The following CAMTA2 variants were observed in gnomAD, a reference collection of about 807,000 sequenced individuals.
CAMTA2 encodes the protein calmodulin-binding transcription activator 2.
Under a neutral mutation model 135.7 loss-of-function variants are expected in CAMTA2, and 56 were observed. That is an observed-to-expected ratio of 0.41 (90% CI 0.33 to 0.52). CAMTA2 has a LOEUF of 0.52. Ranked by LOEUF, CAMTA2 falls within the 20% of genes least tolerant of loss-of-function variation. CAMTA2 has a pLI of 0.16. For synonymous variants in CAMTA2, 591 were observed against 604.6 expected (o/e 0.98, Z 0.33); for missense variants, 1,358 against 1,553.4 (o/e 0.87, Z 2.11).
At chr17:4,978,170 C>T (rs1401345162) in intron 10 of CAMTA2, among the ~76,000 whole-genome samples, 1 of 152,212 alleles carries the variant, frequency 6.6e-6, no homozygotes, top group Non-Finnish European at 1.5e-5. Context: ...TGGCTCTAAG[C>T]CAGAAAGCCT....
chr17:4,985,424 CTTTTTG>C (rs1197433332), intron 3 of CAMTA2, among the ~76,000 whole-genome samples: 1 of 152,032 alleles, frequency 6.6e-6, no homozygotes, highest in Non-Finnish European at 1.5e-5. Context: ...AGATCCATGT[CTTTTTG>C]TTTTTGTTTT....
rs1332112648 is a variant in CAMTA2, at chr17:4,968,325, G to A, written c.*431C>T. 1.1e-5 allele frequency: 3 copies of A among 269,372 alleles called. No homozygotes were observed. The East Asian group carries it at 2.6e-4, about 23-fold the overall frequency. The allele number at this position is 269,372 out of a possible 1,614,324, so 16.7% of individuals were successfully genotyped here. ...GAAACAGACGCAAACATGCGGAGTC[G>A]GGTGGGGACACGGTCAGCCCTGAAA... is the stretch of plus-strand genomic sequence containing the variant. On this transcript the variant is annotated 3_prime_UTR_variant, in exon 23 of 23. Coordinates refer to ENST00000348066, the MANE Select transcript of CAMTA2 (RefSeq NM_015099.4).
At position 4,969,136 on chromosome 17, in the gene CAMTA2, G is replaced by T; in HGVS notation, c.3470+14C>A. 6.2e-7 allele frequency: 1 copy of T among 1,602,138 alleles called. No individual in the cohort carries two copies. The highest frequency in any genetic ancestry group is 8.5e-7 in the Non-Finnish European group (1 of 1,175,800). The stretch of plus-strand genomic sequence containing the variant: ...TGCAGTGGGTGGGCACAGAGGGCTG[G>T]GGCTGGGCCCTACTTGTTGCGGGCA... On this transcript the variant is annotated intron_variant, in intron 21 of 22. Transcript: ENST00000348066. This position sits in a 1 kb window ranked among gnomAD's most constrained non-coding sequence, Gnocchi z 5.6.
rs200250600 is a variant in CAMTA2, at chr17:4,972,914, G to A, written c.2358C>T (p.Pro786=). ...ACAATGGCAGACGGCCCAGAGAGTC[G>A]GGAATGCTCAGTGCCTGTCGGTTCC... ...FRWNRQALSI[P]DSLGRLPLSV... is the part of the protein sequence containing the mutation. Residue 786 remains proline, a synonymous_variant, in exon 15 of 23, where the codon CCC becomes CCT. Transcript: ENST00000348066. The A allele has an allele frequency of 3.3e-5, 54 of 1,613,846 alleles. No homozygotes were observed. The highest frequency in any genetic ancestry group is 2.2e-4 in the East Asian group (10 of 44,880).
chr17:4,976,206 A>G (rs551634388), intron 11 of CAMTA2, among the ~76,000 whole-genome samples: 2 of 152,042 alleles, frequency 1.3e-5, no homozygotes, highest in South Asian at 2.1e-4. Context: ...GGGTTTCACC[A>G]TATTTGCCAG....
Position 4,980,431 on chromosome 17 carries a change from G to T in CAMTA2, c.891C>A (p.Ser297=), listed in dbSNP as rs1972886996. The T allele has an allele frequency of 6.2e-7, 1 of 1,613,784 alleles. No homozygotes were observed. Among genetic ancestry groups the T allele is most frequent in the Non-Finnish European group, 8.5e-7 (1 of 1,179,900 alleles). ...CTAGGGGCTCTGCAAAACCTGATGAGGAGGAAGAAGAGGAAGAAGATGGGG... is the reference window on the plus strand; with the variant it reads ...CTAGGGGCTCTGCAAAACCTGATGATGAGGAAGAAGAGGAAGAAGATGGGG... The part of the protein sequence containing the change: ...HTSPSSSSSS[S]SSGFAEPLEI... The change falls in exon 9 of 23, where the codon TCC becomes TCA. Residue 297 remains serine (S), a synonymous_variant. Transcript: ENST00000348066. The surrounding 1 kb of genome is among the most constrained non-coding windows in gnomAD (Gnocchi z 5.3).
intron 1 of CAMTA2, 115 bp downstream of exon 1, chr17:4,987,478 G>GA: frequency 7.1e-7 from 1 of 1,403,914 alleles, no homozygotes; most frequent in Non-Finnish European, 9.3e-7. Context: ...GGGAGGTGAG[G>GA]GCGAACCGGG....
chr17:4,975,077 C>G (rs1972533385), intron 11 of CAMTA2, among the ~76,000 whole-genome samples: 1 of 152,178 alleles, frequency 6.6e-6, no homozygotes, highest in Admixed American at 6.5e-5. Flanking sequence ...TCCTCCTCCT[C>G]CTCCCCGCCC....
Position 4,980,028 on chromosome 17 carries a change from A to T in CAMTA2, c.1294T>A (p.Ser432Thr). ...TTTCCTCTTCTCCCACCTGCTACTG[A>T]CTGTGGTGGGGGACCCCGAGCAGCT... Reference protein sequence around the residue: ...QAAARGPPPQSVAGGRRGNCF... With the variant: ...QAAARGPPPQTVAGGRRGNCF... Residue 432 changes from serine to threonine, a missense_variant, in exon 9 of 23, where the codon TCA (serine) becomes ACA (threonine). By Grantham distance (58) the Ser-to-Thr change is moderately conservative. Transcript: ENST00000348066. The surrounding 1 kb of genome is among the most constrained non-coding windows in gnomAD (Gnocchi z 5.3). 6.2e-7 allele frequency: 1 copy of T among 1,613,684 alleles called. No homozygotes were observed.
Position 4,968,030 on chromosome 17 carries a change from A to G in CAMTA2, c.*726T>C, listed in dbSNP as rs1972018699. The G allele has an allele frequency of 1.8e-6, 1 of 565,954 alleles. No homozygotes were observed. Among genetic ancestry groups the G allele is most frequent in the East Asian group, 3.0e-5 (1 of 33,808 alleles). 35.1% of individuals were successfully genotyped at this position (565,954 alleles called of 1,614,324 possible). ...CGATGTTTAATGGCAATTCGTATAA[A>G]CCAAGCCCATGCACAAGTAGAAAGT... On this transcript the variant is annotated 3_prime_UTR_variant, in exon 23 of 23. Coordinates refer to ENST00000348066, the MANE Select transcript of CAMTA2 (RefSeq NM_015099.4).
chr17:4,981,739 G>A lies in CAMTA2; in HGVS notation c.504C>T (p.Ser168=), dbSNP rs749873370. 8.1e-6 allele frequency: 13 copies of A among 1,613,356 alleles called. No individual in the cohort carries two copies. Among genetic ancestry groups the A allele is most frequent in the Admixed American group, 5.0e-5 (3 of 59,888 alleles). The change falls in exon 7 of 23, where the codon AGC becomes AGT. Residue 168 remains serine, a synonymous_variant. Transcript: ENST00000348066. ...ACCACTTCAGCCACTCTCGACGGTC[G>A]CTGCTGATGGAACAAAAGATGGGGC... ...GCSPIFCSIS[S]DRREWLKWSR...
Position 4,982,838 on chromosome 17 carries a change from C to T in CAMTA2, c.258G>A (p.Lys86=), listed in dbSNP as rs1282177647. Residue 86 remains lysine, a synonymous_variant, in exon 5 of 23, where the codon AAG becomes AAA. Coordinates refer to ENST00000348066, the MANE Select transcript of CAMTA2 (RefSeq NM_015099.4). The part of the protein sequence containing the change: ...LYNRKKVKYR[K]DGYLWKKRKD... The stretch of plus-strand genomic sequence containing the variant: ...TCCGCTTCTTCCAGAGGTAACCATC[C>T]TTCCGATATTTCACCTTCTTGCGAT... 2 of 1,614,186 alleles carry T rather than the reference C, an allele frequency of 1.2e-6. No individual in the cohort carries two copies. The highest frequency in any genetic ancestry group is 4.5e-5 in the East Asian group (2 of 44,880).
chr17:4,986,488 A>T, intron 1 of CAMTA2: 1 of 556,054 alleles, frequency 1.8e-6, no homozygotes, highest in Admixed American at 3.5e-5. Flanking sequence ...CAGACTGGAC[A>T]GGAAGAGTGA....
In CAMTA2 at chr17:4,969,572, A is replaced by T. The variant is rs765623387; in HGVS notation, c.3262-52T>A. On this transcript the variant is annotated intron_variant, in intron 19 of 22. Transcript: ENST00000348066. The surrounding 1 kb of genome is among the most constrained non-coding windows in gnomAD (Gnocchi z 5.6). Reference sequence around the variant, plus strand: ...GCTCTGGCAACATTCTGGAATGGTTAGGCGTGGGTGTGGGTTGGTGGGTTG... The same window carrying T: ...GCTCTGGCAACATTCTGGAATGGTTTGGCGTGGGTGTGGGTTGGTGGGTTG... 6.2e-7 allele frequency: 1 copy of T among 1,613,852 alleles called. No homozygotes were observed. Among genetic ancestry groups the T allele is most frequent in the Admixed American group, 1.7e-5 (1 of 60,018 alleles).
chr17:4,985,945 G>C lies in CAMTA2; in HGVS notation c.70C>G (p.Leu24Val), dbSNP rs751464833. 6.2e-7 allele frequency: 1 copy of C among 1,614,020 alleles called. No individual in the cohort carries two copies. ...HHLKIFLPKK[L>V]LECLPRCPLL... Reference sequence around the variant, plus strand: ...GGGCAGCGAGGAAGACACTCCAGCAGCTTCTTGGGGAGAAAGATCTTCAGG... The same window carrying C: ...GGGCAGCGAGGAAGACACTCCAGCACCTTCTTGGGGAGAAAGATCTTCAGG... The change falls in exon 3 of 23, where the codon CTG becomes GTG. Residue 24 changes from leucine (L) to valine (V), a missense_variant. Coordinates refer to ENST00000348066, the MANE Select transcript of CAMTA2 (RefSeq NM_015099.4).
rs775472598 is a variant in CAMTA2 at position 4,980,203 on chromosome 17, A to G, written c.1119T>C (p.Pro373=). Residue 373 remains proline (P), a synonymous_variant, in exon 9 of 23, where the codon CCT becomes CCC. Transcript: ENST00000348066. The surrounding 1 kb of genome is among the most constrained non-coding windows in gnomAD (Gnocchi z 5.3). ...EPSAPPAPPS[P]AFDPDRFLNS... The stretch of plus-strand genomic sequence containing the variant: ...TGAGAAAACGATCAGGGTCAAAGGC[A>G]GGACTGGGAGGAGCTGGTGGGGCAG... The G allele has an allele frequency of 6.4e-7, 1 of 1,574,158 alleles. No homozygotes were observed. The highest frequency in any genetic ancestry group is 8.6e-7 in the Non-Finnish European group (1 of 1,159,462).
At position 4,987,398 on chromosome 17, in the gene CAMTA2, G is replaced by C. The variant is rs950527731; in HGVS notation, c.-65+195C>G. On this transcript the variant is annotated intron_variant, in intron 1 of 22. Coordinates refer to ENST00000348066, the MANE Select transcript of CAMTA2 (RefSeq NM_015099.4). ...GCGGGGGTCTCCGGGACAGTCCCCG[G>C]CACGCGCTGGTCCGCCGTGGGGCCC... 8.8e-6 allele frequency: 12 copies of C among 1,369,430 alleles called. No individual in the cohort carries two copies. In the African/African-American group the frequency reaches 1.8e-4, roughly 21 times the overall value. 84.8% of individuals were successfully genotyped at this position (1,369,430 alleles called of 1,614,324 possible). A position where few individuals can be genotyped will look rare whatever the true frequency, so the allele number is the denominator to read the frequency against.
chr17:4,981,663 A>G lies in CAMTA2; in HGVS notation c.565+15T>C. The G allele has an allele frequency of 6.3e-7, 1 of 1,579,236 alleles. No individual in the cohort carries two copies. The highest frequency in any genetic ancestry group is 1.7e-4 in the Middle Eastern group (1 of 5,828). On this transcript the variant is annotated intron_variant, in intron 7 of 22. Coordinates refer to ENST00000348066, the MANE Select transcript of CAMTA2 (RefSeq NM_015099.4). ...ACTCTCCCCTTGGAGCTCTATCCCC[A>G]CCCTGCTGCCTTACACATGGGCTTC...
chr17:4,972,620 C>T (rs998815854), intron 15 of CAMTA2, 84 bp from the exon 16 acceptor site: 33 of 1,485,786 alleles, frequency 2.2e-5, no homozygotes, highest in South Asian at 3.4e-5. Flanking sequence ...ATCCTGTTCT[C>T]GGTCCCCGTC....
Sources: allele counts gnomAD v4.1 joint callset (sites outside exome capture counted in the v4.1 genomes callset), GRCh38; gene constraint gnomAD v4.1.1; non-coding constraint Gnocchi (gnomAD v3.1); transcripts MANE v1.5; gene names NCBI Gene and HGNC (gene_info 2026-07-23, HGNC 2026-07-21).